The following PITPNC1 variants were observed in gnomAD, a reference collection of about 807,000 sequenced individuals.
The protein encoded by PITPNC1 is phosphatidylinositol transfer protein cytoplasmic 1.
A neutral mutation model predicts 44.7 loss-of-function variants in PITPNC1; 18 were observed. That is an observed-to-expected ratio of 0.40 (90% confidence interval 0.28 to 0.60). The LOEUF is 0.60. Ranked by LOEUF, PITPNC1 falls within the 20% of genes least tolerant of loss-of-function variation. The pLI is 0.39. For synonymous variants in PITPNC1, 141 were observed against 149.6 expected (o/e 0.94, Z 0.42); for missense variants, 290 against 418.4 (o/e 0.69, Z 2.68).
intron 1 of PITPNC1, among the ~76,000 whole-genome samples, chr17:67,488,475 C>G (rs2039815258): frequency 6.6e-6 from 1 of 152,320 alleles, no homozygotes; most frequent in Middle Eastern, 3.4e-3. Context: ...ACAGATGACA[C>G]ATTAACCTTT....
Position 67,522,659 on chromosome 17 carries a change from C to CTTTTTTTTTTTCTTTTTTTTT in PITPNC1, c.49-10132_49-10131insCTTTTTTTTTTTTTTTTTTTT, listed in dbSNP as rs1555661488. Among the ~76,000 whole-genome samples, 226 of 117,170 alleles carry CTTTTTTTTTTTCTTTTTTTTT rather than the reference C, an allele frequency of 1.9e-3. 24 individuals are homozygous for CTTTTTTTTTTTCTTTTTTTTT. The highest frequency in any genetic ancestry group is 9.2e-3 in the African/African-American group (210 of 22,780). The allele number at this position is 117,170 out of a possible 152,430, so 76.9% of individuals were successfully genotyped here. A position where few individuals can be genotyped will look rare whatever the true frequency, so the allele number is the denominator to read the frequency against. On this transcript the variant is annotated intron_variant, in intron 1 of 8. Transcript: ENST00000581322. ...ATATCATAAAATTTACCATTTTAAT[C>CTTTTTTTTTTTCTTTTTTTTT]TTTTTTTTTTTTTTGGAAAATGAGG...
chr17:67,532,629 C>T (rs981475751), intron 1 of PITPNC1, among the ~76,000 whole-genome samples, 173 bp from the exon 2 acceptor site: 1 of 152,114 alleles, frequency 6.6e-6, no homozygotes, highest in African/African-American at 2.4e-5. Context: ...GTTCTACTCA[C>T]AACTGGTTCT....
At chr17:67,664,810 CA>C (rs1490710166) in intron 6 of PITPNC1, among the ~76,000 whole-genome samples, 1 of 148,934 alleles carries the variant, frequency 6.7e-6, no homozygotes, top group Non-Finnish European at 1.5e-5. Flanking sequence ...GAGTCTGAGG[CA>C]AAAGAATTGC....
intron 3 of PITPNC1, 27 bp from the exon 4 acceptor site, chr17:67,553,583 C>T (rs1433737956): frequency 2.6e-6 from 3 of 1,152,890 alleles, no homozygotes; most frequent in Admixed American, 2.7e-5. Context: ...TCTTTCCTCT[C>T]TTCTTCAAAT....
chr17:67,395,069 C>T (rs2038197188), intron 1 of PITPNC1, among the ~76,000 whole-genome samples: 2 of 152,008 alleles, frequency 1.3e-5, no homozygotes, highest in Non-Finnish European at 2.9e-5. Context: ...AAACAACGCT[C>T]TTATTAAACT....
intron 1 of PITPNC1, among the ~76,000 whole-genome samples, chr17:67,418,112 C>T (rs1031554005): frequency 1.3e-5 from 2 of 152,238 alleles, no homozygotes; most frequent in Admixed American, 1.3e-4. Flanking sequence ...GTCATAAATC[C>T]TTTTACCAAC....
rs569351393 is a variant in PITPNC1, at chr17:67,616,179, C to T, written c.367-15964C>T. Among the ~76,000 whole-genome samples the T allele has an allele frequency of 3.9e-5, 6 of 152,178 alleles. 1 individual carries two copies. The South Asian group carries it at 1.0e-3, about 26-fold the overall frequency. On this transcript the variant is annotated intron_variant, in intron 5 of 8. Coordinates refer to ENST00000581322, the MANE Select transcript of PITPNC1 (RefSeq NM_012417.4). ...TGTTGAGATGGAGTTTCATTCTTGT[C>T]GCCCAGGCTGGAGTGCAATGGCACG...
At chr17:67,646,513 G>A (rs527253799) in intron 6 of PITPNC1, among the ~76,000 whole-genome samples, 5 of 152,256 alleles carry the variant, frequency 3.3e-5, no homozygotes, top group African/African-American at 1.2e-4. Flanking sequence ...AGAAGGTATG[G>A]AACTAACTTT....
chr17:67,629,658 C>T (rs1046425154), intron 5 of PITPNC1, among the ~76,000 whole-genome samples: 1 of 152,126 alleles, frequency 6.6e-6, no homozygotes. Flanking sequence ...AAAGAAGGAG[C>T]GGGGGGGACT....
chr17:67,520,412 A>T (rs17654987), intron 1 of PITPNC1, among the ~76,000 whole-genome samples: 7,960 of 152,296 alleles, frequency 0.052, 260 homozygotes, highest in Middle Eastern at 0.11. Context: ...TTGATTGCTT[A>T]CTAAAGGTCA....
chr17:67,553,615 A>G lies in PITPNC1; in HGVS notation c.292A>G (p.Thr98Ala). ...AAATGAACATGTGGAAACAGAATAC[A>G]CAGTAAGTTCCATTTAATTATTTTT... ...NYYPYTITEYTCSFLPKFSIH... is the reference protein window; with the variant it reads ...NYYPYTITEYACSFLPKFSIH... Residue 98 changes from threonine (T) to alanine (A), a missense_variant and splice_region_variant, in exon 4 of 9, where the codon ACA (threonine) becomes GCA (alanine). Physicochemically the swap from Thr to Ala is moderately conservative, Grantham distance 58 (BLOSUM62 0). Transcript: ENST00000581322. 1 of 1,229,072 alleles carries G rather than the reference A, an allele frequency of 8.1e-7. No homozygotes were observed. Among genetic ancestry groups the G allele is most frequent in the South Asian group, 1.6e-5 (1 of 61,420 alleles). 76.1% of individuals were successfully genotyped at this position (1,229,072 alleles called of 1,614,324 possible). A position where few individuals can be genotyped will look rare whatever the true frequency, so the allele number is the denominator to read the frequency against.
chr17:67,426,521 C>T (rs1184102632), intron 1 of PITPNC1, among the ~76,000 whole-genome samples: 1 of 151,942 alleles, frequency 6.6e-6, no homozygotes, highest in Non-Finnish European at 1.5e-5. Context: ...GAAAACCAAA[C>T]ACCACGTGTT....
At chr17:67,448,581 G>T (rs1260713269) in intron 1 of PITPNC1, among the ~76,000 whole-genome samples, 3 of 152,054 alleles carry the variant, frequency 2.0e-5, no homozygotes, top group East Asian at 3.8e-4. Context: ...CCGTTTCTCC[G>T]CTCCACTGGA....
At chr17:67,558,940 G>C (rs1235397693) in intron 4 of PITPNC1, among the ~76,000 whole-genome samples, 3 of 152,208 alleles carry the variant, frequency 2.0e-5, no homozygotes, top group Admixed American at 2.0e-4. Flanking sequence ...GCTCACAGCT[G>C]AGAGTCTGTC....
intron 5 of PITPNC1, chr17:67,613,218 C>T (rs983429102): frequency 1.3e-5 from 2 of 152,082 alleles, no homozygotes; most frequent in African/African-American, 2.4e-5. Flanking sequence ...TAGGATAACA[C>T]CCAAGTTTTG....
rs112822008 is a variant in PITPNC1, at chr17:67,662,077, C to T, written c.463-7431C>T. Reference sequence around the variant, plus strand: ...CCAGTACATGCCCTGAAAAACCCACCGACGCAACATAGCATTTTTCAGATT... The same window carrying T: ...CCAGTACATGCCCTGAAAAACCCACTGACGCAACATAGCATTTTTCAGATT... On this transcript the variant is annotated intron_variant, in intron 6 of 8. Coordinates refer to ENST00000581322, the MANE Select transcript of PITPNC1 (RefSeq NM_012417.4). Among the ~76,000 whole-genome samples the T allele has an allele frequency of 3.2e-3, 480 of 152,136 alleles. 6 individuals are homozygous for T. Among genetic ancestry groups the T allele is most frequent in the Admixed American group, 0.012 (190 of 15,260 alleles).
chr17:67,497,928 T>C (rs2039977822), intron 1 of PITPNC1, among the ~76,000 whole-genome samples: 1 of 151,850 alleles, frequency 6.6e-6, no homozygotes, highest in Non-Finnish European at 1.5e-5. Flanking sequence ...TGGTTCAATC[T>C]TGGCTCACTA....
At chr17:67,471,131 C>T (rs1335392030) in intron 1 of PITPNC1, among the ~76,000 whole-genome samples, 1 of 126,242 alleles carries the variant, frequency 7.9e-6, no homozygotes, top group East Asian at 2.2e-4. Flanking sequence ...ATCTGCTGAC[C>T]TTCCCTCCAC....
intron 1 of PITPNC1, among the ~76,000 whole-genome samples, chr17:67,450,857 C>T (rs2039165161): frequency 6.6e-6 from 1 of 152,142 alleles, no homozygotes; most frequent in Non-Finnish European, 1.5e-5. Flanking sequence ...ACACTAACTC[C>T]CCAATGTCCC....
Sources: allele counts gnomAD v4.1 joint callset (sites outside exome capture counted in the v4.1 genomes callset), GRCh38; gene constraint gnomAD v4.1.1; transcripts MANE v1.5; gene names NCBI Gene and HGNC (gene_info 2026-07-23, HGNC 2026-07-21).